The following GYS2 variants were observed in gnomAD, a reference collection of about 807,000 sequenced individuals.
GYS2 encodes glycogen synthase 2.
Under a neutral mutation model 85.6 loss-of-function variants are expected in GYS2, and 80 were observed. The ratio of observed to expected loss-of-function variants is 0.93; its 90% confidence interval spans 0.78 to 1.13. The LOEUF (loss-of-function observed/expected upper bound fraction) is 1.13. Among genes scored for constraint, GYS2 ranks in the 50% most tolerant of loss-of-function variants. GYS2 has a pLI of 0.00. For synonymous variants in GYS2, 328 were observed against 300.7 expected (o/e 1.09, Z -0.94); for missense variants, 881 against 854.9 (o/e 1.03, Z -0.38).
intron 11 of GYS2, among the ~76,000 whole-genome samples, chr12:21,553,557 A>C (rs1245641245): frequency 6.6e-6 from 1 of 152,170 alleles, no homozygotes; most frequent in Admixed American, 6.5e-5. Context: ...AGGTGCCTTT[A>C]ATGGGCAATT....
intron 1 of GYS2, among the ~76,000 whole-genome samples, chr12:21,583,065 T>A (rs1944530742): frequency 1.3e-5 from 2 of 152,154 alleles, no homozygotes; most frequent in Non-Finnish European, 1.5e-5. Context: ...TGTGCCATAA[T>A]CTTATTTGGA....
intron 1 of GYS2, among the ~76,000 whole-genome samples, chr12:21,587,606 T>G (rs1384514299): frequency 6.6e-6 from 1 of 152,170 alleles, no homozygotes; most frequent in South Asian, 2.1e-4. Flanking sequence ...TCCCCAGCCC[T>G]GTGGAACTGT....
intron 11 of GYS2, among the ~76,000 whole-genome samples, chr12:21,556,575 A>G (rs112467306): frequency 6.6e-6 from 1 of 152,198 alleles, no homozygotes; most frequent in African/African-American, 2.4e-5. Context: ...CTCCAGGCCT[A>G]TGTTTTCTCA....
chr12:21,582,448 G>A lies in GYS2; in HGVS notation c.122-1925C>T, dbSNP rs192816351. On this transcript the variant is annotated intron_variant, in intron 1 of 15. Coordinates refer to ENST00000261195, the MANE Select transcript of GYS2 (RefSeq NM_021957.4). Reference sequence around the variant, plus strand: ...TGGATTCTTCCTGCCCTGGAACATTGAACTCCAGGTTCTTCAGCTTTGGGA... The same window carrying A: ...TGGATTCTTCCTGCCCTGGAACATTAAACTCCAGGTTCTTCAGCTTTGGGA... 1.2e-4 allele frequency among the ~76,000 whole-genome samples: 18 copies of A among 152,170 alleles called. No homozygotes were observed. In the East Asian group the frequency reaches 2.9e-3, roughly 24 times the overall value.
intron 1 of GYS2, among the ~76,000 whole-genome samples, chr12:21,582,432 C>A (rs1944520395): frequency 6.6e-6 from 1 of 152,120 alleles, no homozygotes; most frequent in Non-Finnish European, 1.5e-5. Flanking sequence ...CTGGATTCTT[C>A]CTGCCCTGGA....
rs577220554 is a variant in GYS2 at position 21,545,827 on chromosome 12, A to G, written c.1549+517T>C. Among the ~76,000 whole-genome samples the G allele has an allele frequency of 3.9e-5, 6 of 152,252 alleles. No individual in the cohort carries two copies. The South Asian group carries it at 1.2e-3, about 32-fold the overall frequency. On this transcript the variant is annotated intron_variant, in intron 12 of 15. Coordinates refer to ENST00000261195, the MANE Select transcript of GYS2 (RefSeq NM_021957.4). Reference sequence around the variant, plus strand: ...TTTTATTTTGAGGCACAAGAATGTGAAGAAGACTTTTCACTGTACACCTTT... The same window carrying G: ...TTTTATTTTGAGGCACAAGAATGTGGAGAAGACTTTTCACTGTACACCTTT...
downstream of GYS2, among the ~76,000 whole-genome samples, chr12:21,535,611 A>G (rs1336229739): frequency 6.6e-6 from 1 of 152,176 alleles, no homozygotes; most frequent in African/African-American, 2.4e-5. Flanking sequence ...TTTTCTAGCT[A>G]CTGCAGCAAT....
In GYS2 at chr12:21,576,047, C is replaced by A; in HGVS notation, c.314G>T (p.Gly105Val). The A allele has an allele frequency of 6.2e-7, 1 of 1,612,008 alleles. No individual in the cohort carries two copies. Among genetic ancestry groups the A allele is most frequent in the Non-Finnish European group, 8.5e-7 (1 of 1,179,264 alleles). ...MNKHGCQVHF[G>V]RWLIEGSPYV... ...AGGACTTCCTTCTATCAGCCATCTT[C>A]CAAAATGCACCTGTCATATAAAGAA... Residue 105 changes from glycine (G) to valine (V), a missense_variant, in exon 3 of 16, where the codon GGA becomes GTA. Gly to Val is a moderately radical substitution (Grantham distance 109). Coordinates refer to ENST00000261195, the MANE Select transcript of GYS2 (RefSeq NM_021957.4).
chr12:21,603,212 A>G (rs1264940568), intron 1 of GYS2, among the ~76,000 whole-genome samples: 4 of 152,134 alleles, frequency 2.6e-5, no homozygotes, highest in Non-Finnish European at 4.4e-5. Context: ...TACACATAAA[A>G]TACTTCACTT....
In GYS2 at chr12:21,542,541, AC is replaced by A; in HGVS notation, c.1599del (p.Phe534LeufsTer34). ...GIPSVTTNLS[G>X]FGCFMQEHVA... ...ACGTGCTCCTGCATGAAACAGCCAA[AC>A]CCGGAGAGATTCGTGGTCACACTGG... On this transcript the variant is annotated frameshift_variant, in exon 13 of 16. Coordinates refer to ENST00000261195, the MANE Select transcript of GYS2 (RefSeq NM_021957.4). LOFTEE classifies it high-confidence loss of function. 1 of 1,613,670 alleles carries A rather than the reference AC, an allele frequency of 6.2e-7. No homozygotes were observed. Among genetic ancestry groups the A allele is most frequent in the Non-Finnish European group, 8.5e-7 (1 of 1,179,732 alleles).
chr12:21,597,340 TCAAA>T (rs1451467851), intron 1 of GYS2, among the ~76,000 whole-genome samples: 1 of 151,902 alleles, frequency 6.6e-6, no homozygotes, highest in African/African-American at 2.4e-5. Flanking sequence ...TATAAGAAAC[TCAAA>T]CAACTCAACA....
chr12:21,588,061 C>T (rs1263419638), intron 1 of GYS2, among the ~76,000 whole-genome samples: 1 of 152,168 alleles, frequency 6.6e-6, no homozygotes, highest in Non-Finnish European at 1.5e-5. Context: ...ATTACTTGAG[C>T]AATACTTTGT....
At chr12:21,586,448 T>C (rs1300841463) in intron 1 of GYS2, among the ~76,000 whole-genome samples, 2 of 151,848 alleles carry the variant, frequency 1.3e-5, no homozygotes, top group Non-Finnish European at 2.9e-5. Flanking sequence ...TCTATCTATC[T>C]ATCTATCTAT....
intron 12 of GYS2, among the ~76,000 whole-genome samples, chr12:21,543,617 T>G (rs1476566390): frequency 6.6e-6 from 1 of 152,032 alleles, no homozygotes; most frequent in Non-Finnish European, 1.5e-5. Context: ...GGGACACATG[T>G]GCTGAACGTG....
downstream of GYS2, chr12:21,532,751 T>C (rs1019688914): frequency 8.5e-5 from 13 of 152,224 alleles, no homozygotes; most frequent in African/African-American, 1.2e-4. Context: ...AGAACACTTT[T>C]AACATCTATC....
intron 1 of GYS2, among the ~76,000 whole-genome samples, chr12:21,589,422 C>G (rs61926865): frequency 0.17 from 25,598 of 152,082 alleles, 2,240 homozygotes; most frequent in Middle Eastern, 0.3. Flanking sequence ...GAAATAAAAA[C>G]ATAAAGCTTA....
Position 21,563,295 on chromosome 12 carries a change from C to G in GYS2, c.874G>C (p.Glu292Gln). The change falls in exon 6 of 16, where the codon GAG becomes CAG. Residue 292 changes from glutamate to glutamine, a missense_variant. Coordinates refer to ENST00000261195, the MANE Select transcript of GYS2 (RefSeq NM_021957.4). ...LNVKKFSAVHEFQNLHAMYKA... is the reference protein window; with the variant it reads ...LNVKKFSAVHQFQNLHAMYKA... ...TACATGGCATGTAGATTTTGAAACT[C>G]ATGCACTGCTGAAAATTTCTTAACA... 1 of 1,612,748 alleles carries G rather than the reference C, an allele frequency of 6.2e-7. No individual in the cohort carries two copies. The highest frequency in any genetic ancestry group is 8.5e-7 in the Non-Finnish European group (1 of 1,178,836).
chr12:21,590,302 C>T (rs543065218), intron 1 of GYS2, among the ~76,000 whole-genome samples: 1 of 152,176 alleles, frequency 6.6e-6, no homozygotes, highest in Non-Finnish European at 1.5e-5. Flanking sequence ...GTCAGGAACA[C>T]CCAGCCTGGC....
chr12:21,572,327 A>T (rs2136900171), intron 4 of GYS2, among the ~76,000 whole-genome samples: 1 of 152,270 alleles, frequency 6.6e-6, no homozygotes, highest in Non-Finnish European at 1.5e-5. Flanking sequence ...TCTTGTTCTC[A>T]TATTTGCCCT....
Sources: gnomAD v4.1 joint callset for allele counts (sites outside exome capture counted in the v4.1 genomes callset) on GRCh38, gnomAD v4.1.1 for gene constraint, MANE v1.5 for transcripts, NCBI Gene and HGNC (gene_info 2026-07-23, HGNC 2026-07-21) for gene names.